Variants in ARF1 observed in about 807,000 individuals in gnomAD.
The protein encoded by ARF1 is ADP-ribosylation factor 1.
ARF1 carries 1 observed loss-of-function variant against 18.0 expected under a neutral mutation model. The ratio of observed to expected loss-of-function variants is 0.06; its 90% CI spans 0.02 to 0.26. The LOEUF (loss-of-function observed/expected upper bound fraction) is 0.26. Ranked by LOEUF, ARF1 falls within the 10% of genes least tolerant of loss-of-function variation. The probability of loss-of-function intolerance (pLI) is 1.00; values close to 1 mark genes in which losing one functional copy is unlikely to be tolerated. For missense variants in ARF1, 73 were observed against 247.2 expected (o/e 0.30, Z 4.73); for synonymous variants, 112 against 96.3 (o/e 1.16, Z -0.95).
chr1:228,086,241 C>T (rs1187794219), intron 1 of ARF1, among the ~76,000 whole-genome samples: 2 of 152,152 alleles, frequency 1.3e-5, no homozygotes, highest in East Asian at 1.9e-4. Context: ...TGAGGCTGGG[C>T]GTAGTGCCTC....
rs373902191 is a variant in ARF1 at position 228,097,541 on chromosome 1, C to T, written c.260-50C>T. 6.2e-6 allele frequency: 10 copies of T among 1,613,712 alleles called. 1 individual carries two copies. Among genetic ancestry groups the T allele is most frequent in the African/African-American group, 4.0e-5 (3 of 74,828 alleles). ...GATGGGGCATCGATGCCCATAGATG[C>T]GGCAGGGGGGCTGTGTTCCCATGAC... On this transcript the variant is annotated intron_variant, in intron 3 of 4. Coordinates refer to ENST00000272102, the MANE Select transcript of ARF1 (RefSeq NM_001658.4). The surrounding 1 kb of genome is among the most constrained non-coding windows in gnomAD (Gnocchi z 8.1).
intron 1 of ARF1, among the ~76,000 whole-genome samples, chr1:228,092,111 T>C (rs2032594685): frequency 6.6e-6 from 1 of 152,232 alleles, no homozygotes; most frequent in South Asian, 2.1e-4. Context: ...AAGATGTGTG[T>C]AATTTATCTG....
In ARF1 at chr1:228,098,021, C is replaced by A; in HGVS notation, c.*8C>A. The stretch of plus-strand genomic sequence containing the variant: ...CTCCGGAACCAGAAGTGAACGCGAC[C>A]CCCCTCCCTCTCACTCCTCTTGCCC... On this transcript the variant is annotated 3_prime_UTR_variant, in exon 5 of 5. Transcript: ENST00000272102. 6.2e-7 allele frequency: 1 copy of A among 1,606,016 alleles called. No homozygotes were observed. The highest frequency in any genetic ancestry group is 8.5e-7 in the Non-Finnish European group (1 of 1,174,390).
At position 228,097,033 on chromosome 1, in the gene ARF1, TG is replaced by T; in HGVS notation, c.-37-44del. 1 of 1,506,724 alleles carries T rather than the reference TG, an allele frequency of 6.6e-7. No individual in the cohort carries two copies. Among genetic ancestry groups the T allele is most frequent in the East Asian group, 2.3e-5 (1 of 43,636 alleles). 93.3% of individuals were successfully genotyped at this position (1,506,724 alleles called of 1,614,324 possible). A position where few individuals can be genotyped will look rare whatever the true frequency, so the allele number is the denominator to read the frequency against. The stretch of plus-strand genomic sequence containing the variant: ...GGGTGGGTGGGTTCTGAGCAACCAC[TG>T]CTGGGCAGCACAGAACCAGACATGG... On this transcript the variant is annotated intron_variant, in intron 1 of 4. Transcript: ENST00000272102. This position sits in a 1 kb window ranked among gnomAD's most constrained non-coding sequence, Gnocchi z 8.1.
At chr1:228,094,071 C>T (rs1043329137) in intron 1 of ARF1, among the ~76,000 whole-genome samples, 9 of 152,276 alleles carry the variant, frequency 5.9e-5, no homozygotes, top group South Asian at 4.1e-4. Flanking sequence ...GGCACTGCCC[C>T]GGGCATGAGG....
intron 1 of ARF1, among the ~76,000 whole-genome samples, chr1:228,094,523 CATA>C (rs1452802830): frequency 1.3e-5 from 2 of 152,110 alleles, no homozygotes; most frequent in Admixed American, 1.3e-4. Context: ...TGCCCAACCC[CATA>C]ATAAGAATAC....
chr1:228,091,958 A>G lies in ARF1; in HGVS notation c.-37-5120A>G, dbSNP rs542838794. 3.9e-5 allele frequency among the ~76,000 whole-genome samples: 6 copies of G among 152,288 alleles called. No individual in the cohort carries two copies. The South Asian group carries it at 1.2e-3, about 32-fold the overall frequency. Reference sequence around the variant, plus strand: ...CAGGCTTTCACGAAATTGATCATCTACACTATATGTATGACTGTTGAAAGG... The same window carrying G: ...CAGGCTTTCACGAAATTGATCATCTGCACTATATGTATGACTGTTGAAAGG... On this transcript the variant is annotated intron_variant, in intron 1 of 4. Transcript: ENST00000272102.
rs996424552 is a variant in ARF1 at position 228,089,416 on chromosome 1, T to A, written c.-38+6651T>A. 1.3e-5 allele frequency among the ~76,000 whole-genome samples: 2 copies of A among 151,962 alleles called. No individual in the cohort carries two copies. The highest frequency in any genetic ancestry group is 2.9e-5 in the Non-Finnish European group (2 of 67,978). On this transcript the variant is annotated intron_variant, in intron 1 of 4. Coordinates refer to ENST00000272102, the MANE Select transcript of ARF1 (RefSeq NM_001658.4). This position sits in a 1 kb window ranked among gnomAD's most constrained non-coding sequence, Gnocchi z 4.1. ...ACATGTCTGACTGACCAGAGTGGGG[T>A]GGGGTGGCAAGGTGGTGCTCGTCCC...
chr1:228,093,987 G>A (rs933866447), intron 1 of ARF1, among the ~76,000 whole-genome samples: 1 of 150,026 alleles, frequency 6.7e-6, no homozygotes, highest in African/African-American at 2.5e-5. Flanking sequence ...AGCCACCAAT[G>A]GGGAGGGCCT....
chr1:228,097,299 G>T lies in ARF1; in HGVS notation c.148+37G>T, dbSNP rs2032781326. 3 of 1,609,946 alleles carry T rather than the reference G, an allele frequency of 1.9e-6. No homozygotes were observed. The highest frequency in any genetic ancestry group is 2.5e-6 in the Non-Finnish European group (3 of 1,177,362). ...GCCAGCAGGGAGTGGGCTGGGCTGGGCTGGGCCAAGGTACAAGGCCTCACC... is the reference window on the plus strand; with the variant it reads ...GCCAGCAGGGAGTGGGCTGGGCTGGTCTGGGCCAAGGTACAAGGCCTCACC... On this transcript the variant is annotated intron_variant, in intron 2 of 4. Coordinates refer to ENST00000272102, the MANE Select transcript of ARF1 (RefSeq NM_001658.4). This position sits in a 1 kb window ranked among gnomAD's most constrained non-coding sequence, Gnocchi z 8.1.
rs550748750 is a variant in ARF1, at chr1:228,082,746, T to C, written c.-57T>C. The C allele has an allele frequency of 6.6e-6, 1 of 151,546 alleles. No homozygotes were observed. The highest frequency in any genetic ancestry group is 1.5e-5 in the Non-Finnish European group (1 of 67,822). The allele number at this position is 151,546 out of a possible 1,614,324, so 9.4% of individuals were successfully genotyped here. A position where few individuals can be genotyped will look rare whatever the true frequency, so the allele number is the denominator to read the frequency against. On this transcript the variant is annotated 5_prime_UTR_variant, in exon 1 of 5. Transcript: ENST00000272102. This position sits in a 1 kb window ranked among gnomAD's most constrained non-coding sequence, Gnocchi z 6.1. Reference sequence around the variant, plus strand: ...TGTGGGAGCAAAACCAACGCCTGGCTCGGAGCAGCAGCCTCTGAGGTGAGG... The same window carrying C: ...TGTGGGAGCAAAACCAACGCCTGGCCCGGAGCAGCAGCCTCTGAGGTGAGG...
At position 228,097,844 on chromosome 1, in the gene ARF1, T is replaced by TC. The variant is rs1328851905; in HGVS notation, c.385-3dup. The TC allele has an allele frequency of 6.2e-7, 1 of 1,611,434 alleles. No individual in the cohort carries two copies. The highest frequency in any genetic ancestry group is 1.7e-4 in the Middle Eastern group (1 of 6,048). On this transcript the variant is annotated splice_region_variant and splice_polypyrimidine_tract_variant and intron_variant, in intron 4 of 4. Coordinates refer to ENST00000272102, the MANE Select transcript of ARF1 (RefSeq NM_001658.4). The surrounding 1 kb of genome is among the most constrained non-coding windows in gnomAD (Gnocchi z 8.1). ...ACAGCCCTTCCCACCAACCCTTCCT[T>TC]CCCCCAGGACCTCCCCAACGCCATG...
intron 1 of ARF1, chr1:228,088,153 C>G (rs1257207277): frequency 6.6e-6 from 1 of 152,236 alleles, no homozygotes; most frequent in Non-Finnish European, 1.5e-5. Flanking sequence ...GAGCTGCCCA[C>G]ACTGGTGGAG....
In ARF1 at chr1:228,095,217, T is replaced by A. The variant is rs554494125; in HGVS notation, c.-37-1861T>A. On this transcript the variant is annotated intron_variant, in intron 1 of 4. Coordinates refer to ENST00000272102, the MANE Select transcript of ARF1 (RefSeq NM_001658.4). ...CCTGTCTTGGTTGCCTCCTTGCAGA[T>A]TCCTTTTATATTTGGGTCTCTTATG... Among the ~76,000 whole-genome samples the A allele has an allele frequency of 1.7e-4, 26 of 151,916 alleles. No homozygotes were observed. The South Asian group carries it at 4.8e-3, about 28-fold the overall frequency.
chr1:228,083,491 C>T (rs558273672), intron 1 of ARF1: 1 of 152,276 alleles, frequency 6.6e-6, no homozygotes, highest in Non-Finnish European at 1.5e-5. Context: ...CCTCCCTTCA[C>T]ACCAGTGAGA....
At chr1:228,095,735 C>G (rs1262082579) in intron 1 of ARF1, among the ~76,000 whole-genome samples, 1 of 152,096 alleles carries the variant, frequency 6.6e-6, no homozygotes, top group African/African-American at 2.4e-5. Flanking sequence ...TTCTCTCTGC[C>G]CTTCAAGGCG....
rs763615109 is a variant in ARF1 at position 228,097,721 on chromosome 1, C to T, written c.384+6C>T. ...TGGTGTTCGCCAACAAGCAGGTAGG[C>T]GCCCGGGCCAGCCTGGGGAATGTGA... On this transcript the variant is annotated splice_donor_region_variant and intron_variant, in intron 4 of 4. Transcript: ENST00000272102. This position sits in a 1 kb window ranked among gnomAD's most constrained non-coding sequence, Gnocchi z 8.1. 29 of 1,603,498 alleles carry T rather than the reference C, an allele frequency of 1.8e-5. No homozygotes were observed. Among genetic ancestry groups the T allele is most frequent in the East Asian group, 4.5e-5 (2 of 44,814 alleles).
chr1:228,096,359 C>T (rs1347235040), intron 1 of ARF1: 2 of 152,274 alleles, frequency 1.3e-5, no homozygotes, highest in Admixed American at 6.5e-5. Flanking sequence ...CCAGTGTTTT[C>T]TAAAGTCCCT....
At chr1:228,096,948 G>T in intron 1 of ARF1, 130 bp from the exon 2 acceptor site, 1 of 813,030 alleles carries the variant, frequency 1.2e-6, no homozygotes, top group Non-Finnish European at 1.8e-6. Flanking sequence ...GGGAGGCAGG[G>T]CTCTTTCCCT....
Sources: gnomAD v4.1 joint callset for allele counts (sites outside exome capture counted in the v4.1 genomes callset) on GRCh38, gnomAD v4.1.1 for gene constraint, Gnocchi (gnomAD v3.1) non-coding constraint, MANE v1.5 for transcripts, NCBI Gene and HGNC (gene_info 2026-07-23, HGNC 2026-07-21) for gene names.